The following CEP112 variants were observed in gnomAD, a reference collection of about 807,000 sequenced individuals.
CEP112 encodes the protein centrosomal protein 112, also known as centrosomal protein of 112 kDa.
CEP112 carries 127 observed loss-of-function variants against 153.0 expected under a neutral mutation model. The observed-to-expected ratio is 0.83, with a 90% CI of 0.72 to 0.96. The LOEUF (loss-of-function observed/expected upper bound fraction) is 0.96, where lower values mean the gene tolerates loss of function less well. CEP112 is among the 40% of genes least tolerant of loss of function. The pLI is 0.00. For synonymous variants in CEP112, 358 were observed against 374.4 expected, an observed-to-expected ratio of 0.96 and a Z score of 0.51; for missense variants, 1,089 against 1,101.2, an observed-to-expected ratio of 0.99 and a Z score of 0.16.
intron 21 of CEP112, among the ~76,000 whole-genome samples, chr17:65,776,131 G>A (rs1421877771): frequency 1.3e-5 from 2 of 152,168 alleles, no homozygotes; most frequent in Non-Finnish European, 2.9e-5. Flanking sequence ...CCGTGGCTTC[G>A]AAAGGACCTC....
intron 21 of CEP112, among the ~76,000 whole-genome samples, chr17:65,770,350 T>TA (rs569794530): frequency 4.3e-4 from 65 of 150,088 alleles, no homozygotes; most frequent in East Asian, 9.7e-4. Context: ...GTGCTGAAAT[T>TA]AAAAAAAAAA....
chr17:65,861,550 AG>A (rs2058310111), intron 20 of CEP112, among the ~76,000 whole-genome samples: 2 of 152,270 alleles, frequency 1.3e-5, no homozygotes, highest in Admixed American at 1.3e-4. Flanking sequence ...TATATCAACA[AG>A]TAAAAGATAA....
chr17:65,652,206 T>G (rs577307756), intron 24 of CEP112, among the ~76,000 whole-genome samples: 1 of 152,182 alleles, frequency 6.6e-6, no homozygotes, highest in Non-Finnish European at 1.5e-5. Context: ...CAGACTCTTT[T>G]GTAATCTTTT....
At chr17:65,971,178 GTA>G (rs1222042534) in intron 17 of CEP112, among the ~76,000 whole-genome samples, 12 of 151,962 alleles carry the variant, frequency 7.9e-5, no homozygotes, top group Non-Finnish European at 1.6e-4. Flanking sequence ...TACAGCACAT[GTA>G]CAGCACATGC....
At chr17:65,924,275 C>T (rs868425198) in intron 19 of CEP112, among the ~76,000 whole-genome samples, 123 of 152,260 alleles carry the variant, frequency 8.1e-4, no homozygotes, top group African/African-American at 2.9e-3. Context: ...CGTGCCCGGC[C>T]AGCATAATTT....
chr17:66,041,343 A>AT (rs201314731), intron 12 of CEP112, among the ~76,000 whole-genome samples: 6 of 121,462 alleles, frequency 4.9e-5, no homozygotes, highest in Non-Finnish European at 8.9e-5. Flanking sequence ...ATGTTAATTT[A>AT]TTAAAAAACA....
chr17:65,777,201 C>A (rs1425126024), intron 21 of CEP112, among the ~76,000 whole-genome samples: 2 of 152,188 alleles, frequency 1.3e-5, no homozygotes, highest in African/African-American at 2.4e-5. Flanking sequence ...TCCCACTCCT[C>A]ATTCTGATGC....
intron 8 of CEP112, among the ~76,000 whole-genome samples, chr17:66,082,419 A>G (rs2067757936): frequency 6.6e-6 from 1 of 152,236 alleles, no homozygotes; most frequent in Non-Finnish European, 1.5e-5. Flanking sequence ...CCCATAACAT[A>G]TGAGAAATAT....
At chr17:65,980,848 A>T (rs1325043048) in intron 17 of CEP112, among the ~76,000 whole-genome samples, 1 of 151,816 alleles carries the variant, frequency 6.6e-6, no homozygotes, top group African/African-American at 2.4e-5. Context: ...CACGATCTCC[A>T]CTCACTGCAA....
chr17:66,114,838 G>A (rs1035641776), intron 6 of CEP112, among the ~76,000 whole-genome samples: 4 of 151,816 alleles, frequency 2.6e-5, no homozygotes, highest in Non-Finnish European at 4.4e-5. Context: ...TTAGTCATCA[G>A]GAAAACATAT....
chr17:66,092,285 C>T (rs1045652135), intron 8 of CEP112, among the ~76,000 whole-genome samples: 4 of 151,670 alleles, frequency 2.6e-5, no homozygotes, highest in Admixed American at 2.0e-4. Flanking sequence ...GGTTATCTGC[C>T]CACCTCAGCC....
chr17:65,871,360 C>T (rs545830450), intron 20 of CEP112, among the ~76,000 whole-genome samples: 8 of 152,022 alleles, frequency 5.3e-5, no homozygotes, highest in South Asian at 2.1e-4. Context: ...ACATGCAGGC[C>T]GGGCACTGTG....
intron 23 of CEP112, among the ~76,000 whole-genome samples, chr17:65,701,626 G>A (rs567408335): frequency 1.2e-4 from 18 of 152,148 alleles, no homozygotes; most frequent in African/African-American, 2.9e-4. Flanking sequence ...ACCCAGGATC[G>A]CACAAATCCT....
chr17:66,082,200 CATA>C (rs987559964), intron 8 of CEP112, among the ~76,000 whole-genome samples: 2 of 151,920 alleles, frequency 1.3e-5, no homozygotes, highest in African/African-American at 2.4e-5. Context: ...TTCCAAATGT[CATA>C]ATGTCAAAAA....
At chr17:65,750,768 G>C in intron 21 of CEP112, 44 bp from the exon 22 acceptor site, 1 of 1,568,090 alleles carries the variant, frequency 6.4e-7, no homozygotes. Context: ...TGACCTGTGA[G>C]CTTGGTATCT....
At chr17:65,975,515 ACC>A (rs1462038360) in intron 17 of CEP112, among the ~76,000 whole-genome samples, 1 of 152,156 alleles carries the variant, frequency 6.6e-6, no homozygotes, top group Non-Finnish European at 1.5e-5. Context: ...TCCTAATTCC[ACC>A]TGCTGAAAGG....
intron 23 of CEP112, among the ~76,000 whole-genome samples, chr17:65,739,255 T>C (rs1252031093): frequency 1.3e-5 from 2 of 152,188 alleles, no homozygotes; most frequent in Non-Finnish European, 2.9e-5. Flanking sequence ...CCTGCCCAAA[T>C]TTCTGATCCA....
At chr17:65,789,088 G>T (rs2054446060) in intron 21 of CEP112, among the ~76,000 whole-genome samples, 1 of 152,110 alleles carries the variant, frequency 6.6e-6, no homozygotes, top group African/African-American at 2.4e-5. Flanking sequence ...CCCAGATCCA[G>T]ACACCTCTCT....
chr17:65,916,310 T>C (rs1161605097), intron 19 of CEP112, among the ~76,000 whole-genome samples: 1 of 138,706 alleles, frequency 7.2e-6, no homozygotes, highest in Non-Finnish European at 1.6e-5. Context: ...GTAGGAGTAG[T>C]GGTGGTGGGT....
Sources: gnomAD v4.1 joint callset for allele counts (sites outside exome capture counted in the v4.1 genomes callset) on GRCh38, gnomAD v4.1.1 for gene constraint, MANE v1.5 for transcripts, NCBI Gene and HGNC (gene_info 2026-07-23, HGNC 2026-07-21) for gene names.